IFI16: variants seen among roughly 807,000 people sequenced by gnomAD.
IFI16 encodes the protein gamma-interferon-inducible protein 16.
A neutral mutation model predicts 68.4 loss-of-function variants in IFI16; 49 were observed. The ratio of observed to expected loss-of-function variants is 0.72; its 90% CI spans 0.57 to 0.91. The LOEUF is 0.91. Ranked by LOEUF, IFI16 falls within the 40% of genes least tolerant of loss-of-function variation. The probability of loss-of-function intolerance (pLI) is 0.00; values close to 1 mark genes in which losing one functional copy is unlikely to be tolerated. For missense variants in IFI16, 878 were observed against 942.9 expected, an observed-to-expected ratio of 0.93 and a Z score of 0.90; for synonymous variants, 307 against 315.0, an observed-to-expected ratio of 0.97 and a Z score of 0.27.
intron 6 of IFI16, among the ~76,000 whole-genome samples, chr1:159,027,428 A>G (rs1217288240): frequency 7.2e-6 from 1 of 137,970 alleles, no homozygotes; most frequent in Admixed American, 6.8e-5. Flanking sequence ...TCTGTTAGCT[A>G]GTATTTTGTT....
Position 159,020,468 on chromosome 1 carries a change from T to G in IFI16, c.1100T>G (p.Phe367Cys). Residue 367 changes from phenylalanine (F) to cysteine (C), a missense_variant, in exon 6 of 12, where the codon TTT (phenylalanine) becomes TGT (cysteine). Around this residue, in one of 4 missense-constraint regions of IFI16, gnomAD observed 443 missense variants for 421.8 expected, o/e 1.05. Transcript: ENST00000295809. ...GGAGATAAGCTCCAACTTTTCTGCT[T>G]TCGACTTAGAAAAAAGAACCAGATG... Reference protein sequence around the residue: ...EEGDKLQLFCFRLRKKNQMSK... With the variant: ...EEGDKLQLFCCRLRKKNQMSK... The G allele has an allele frequency of 6.2e-7, 1 of 1,613,718 alleles. No homozygotes were observed. The highest frequency in any genetic ancestry group is 8.5e-7 in the Non-Finnish European group (1 of 1,179,742).
In IFI16 at chr1:159,018,628, T is replaced by A; in HGVS notation, c.949T>A (p.Tyr317Asn). 1.2e-6 allele frequency: 2 copies of A among 1,611,046 alleles called. No homozygotes were observed. The highest frequency in any genetic ancestry group is 1.1e-5 in the South Asian group (1 of 90,718). ...CAAACAAGCTTCAGGAAATATTGTA[T>A]ATGGGGTATTTATGCTACATAAGGT... Reference protein sequence around the residue: ...LHKQASGNIVYGVFMLHKKTV... With the variant: ...LHKQASGNIVNGVFMLHKKTV... Residue 317 changes from tyrosine (Y) to asparagine (N), a missense_variant, in exon 5 of 12, where the codon TAT becomes AAT. Physicochemically the swap from Tyr to Asn is moderately radical, Grantham distance 143 (BLOSUM62 -2). This residue lies in a region of IFI16 where 443 missense variants were observed against 421.8 expected (regional missense o/e 1.05). Transcript: ENST00000295809.
At chr1:159,004,196 G>T (rs887588403), upstream of IFI16, among the ~76,000 whole-genome samples, 11 of 152,042 alleles carry the variant, frequency 7.2e-5, no homozygotes, top group African/African-American at 2.7e-4. Flanking sequence ...TATTAAGGAT[G>T]GATGTGGTGG....
chr1:159,044,552 C>T (rs1654864068), intron 7 of IFI16, among the ~76,000 whole-genome samples: 1 of 151,964 alleles, frequency 6.6e-6, no homozygotes, highest in Non-Finnish European at 1.5e-5. Flanking sequence ...AATGGGAAAA[C>T]TGCTAAAATA....
chr1:159,030,122 CAA>C (rs58989919), intron 6 of IFI16, among the ~76,000 whole-genome samples: 2,227 of 152,112 alleles, frequency 0.015, 61 homozygotes, highest in African/African-American at 0.051. Context: ...TGCATTTCTC[CAA>C]GTGTGTTCTT....
At chr1:159,054,363 G>C (rs1021857889) in intron 11 of IFI16, among the ~76,000 whole-genome samples, 1 of 152,204 alleles carries the variant, frequency 6.6e-6, no homozygotes, top group Non-Finnish European at 1.5e-5. Flanking sequence ...CAAAACAAAG[G>C]CTGACATATT....
intron 3 of IFI16, 53 bp from the exon 4 acceptor site, chr1:159,016,480 T>G (rs1652930250): frequency 6.8e-7 from 1 of 1,470,932 alleles, no homozygotes; most frequent in Non-Finnish European, 9.3e-7. Flanking sequence ...GAAAATGTGC[T>G]CTACTTCATT....
chr1:159,043,327 G>C (rs1654782033), intron 7 of IFI16, among the ~76,000 whole-genome samples: 1 of 152,242 alleles, frequency 6.6e-6, no homozygotes, highest in Admixed American at 6.5e-5. Flanking sequence ...CAACTACTCT[G>C]TCCATGCATA....
rs1390728289 is a variant in IFI16 at position 159,052,020 on chromosome 1, C to A, written c.2007C>A (p.Ala669=). ...MEIPKGLIRS[A]SVTPKINQLC... is the part of the protein sequence containing the mutation. ...TCCCAAAAGGATTGATTAGAAGTGC[C>A]AGCGTAACTCCTAAAATCAATCAGC... is the stretch of plus-strand genomic sequence containing the variant. The change falls in exon 10 of 12, where the codon GCC becomes GCA. Residue 669 remains alanine, a synonymous_variant. Transcript: ENST00000295809. The A allele has an allele frequency of 1.9e-6, 3 of 1,613,840 alleles. No homozygotes were observed. The highest frequency in any genetic ancestry group is 2.5e-6 in the Non-Finnish European group (3 of 1,179,936).
At chr1:159,052,936 T>C (rs1655452734) in intron 10 of IFI16, 1 of 152,384 alleles carries the variant, frequency 6.6e-6, no homozygotes, top group Non-Finnish European at 1.5e-5. Context: ...TTCTCTACAC[T>C]CAGTTTAAAT....
chr1:159,035,706 C>T (rs10399750), intron 7 of IFI16, among the ~76,000 whole-genome samples: 9 of 152,158 alleles, frequency 5.9e-5, no homozygotes, highest in African/African-American at 2.2e-4. Flanking sequence ...CTATGGTATA[C>T]GCTCTATATT....
At position 159,051,797 on chromosome 1, in the gene IFI16, A is replaced by G; in HGVS notation, c.1784A>G (p.Glu595Gly). ...GAATCATTTGTATATGAGCCCAAAG[A>G]GCAGAAGAAAATGTTTCATGCCACA... Reference protein sequence around the residue: ...ATESFVYEPKEQKKMFHATVA... With the variant: ...ATESFVYEPKGQKKMFHATVA... Residue 595 changes from glutamate (E) to glycine (G), a missense_variant, in exon 10 of 12, where the codon GAG becomes GGG. Physicochemically the swap from Glu to Gly is moderately conservative, Grantham distance 98 (BLOSUM62 -2). Coordinates refer to ENST00000295809, the MANE Select transcript of IFI16 (RefSeq NM_001376587.1). The G allele has an allele frequency of 6.2e-7, 1 of 1,614,120 alleles. No homozygotes were observed. Among genetic ancestry groups the G allele is most frequent in the South Asian group, 1.1e-5 (1 of 91,084 alleles).
rs200633346 is a variant in IFI16 at position 159,018,609 on chromosome 1, A to T, written c.930A>T (p.Gln310His). The change falls in exon 5 of 12, where the codon CAA becomes CAT. Residue 310 changes from glutamine (Q) to histidine (H), a missense_variant. Gln to His is a conservative substitution (Grantham distance 24, BLOSUM62 0). This residue lies in a region of IFI16 where 443 missense variants were observed against 421.8 expected (regional missense o/e 1.05). Coordinates refer to ENST00000295809, the MANE Select transcript of IFI16 (RefSeq NM_001376587.1). Reference sequence around the variant, plus strand: ...TGAAGATTGATATTCTTCACAAACAAGCTTCAGGAAATATTGTATATGGGG... The same window carrying T: ...TGAAGATTGATATTCTTCACAAACATGCTTCAGGAAATATTGTATATGGGG... ...ETLKIDILHKQASGNIVYGVF... is the reference protein window; with the variant it reads ...ETLKIDILHKHASGNIVYGVF... 2 of 1,613,306 alleles carry T rather than the reference A, an allele frequency of 1.2e-6. No homozygotes were observed. The highest frequency in any genetic ancestry group is 1.7e-6 in the Non-Finnish European group (2 of 1,179,678).
chr1:159,016,849 C>T (rs1234056578), intron 4 of IFI16, 149 bp downstream of exon 4: 1 of 729,434 alleles, frequency 1.4e-6, no homozygotes, highest in Non-Finnish European at 2.3e-6. Context: ...CTTTTGCTTT[C>T]ACAGGGATAC....
upstream of IFI16, among the ~76,000 whole-genome samples, chr1:159,003,949 C>G (rs1017376975): frequency 6.6e-6 from 1 of 152,062 alleles, no homozygotes; most frequent in Non-Finnish European, 1.5e-5. Context: ...CGTGAGCCAC[C>G]GCGCCCAGCC....
Position 159,045,458 on chromosome 1 carries a change from A to G in IFI16, c.1491A>G (p.Leu497=). The G allele has an allele frequency of 6.2e-7, 1 of 1,600,886 alleles. No homozygotes were observed. Among genetic ancestry groups the G allele is most frequent in the South Asian group, 1.1e-5 (1 of 89,968 alleles). The change falls in exon 8 of 12, where the codon TTA becomes TTG. Residue 497 remains leucine (L), a synonymous_variant. Transcript: ENST00000295809. ...MPPSTPSSSF[L]TTKSEDTISK... The stretch of plus-strand genomic sequence containing the variant: ...CATCAACACCAAGCAGCAGTTTCTT[A>G]ACCACGGTACAAGTTCCCTCTTCCC...
chr1:159,037,338 C>G (rs1184210457), intron 7 of IFI16, among the ~76,000 whole-genome samples: 1 of 152,176 alleles, frequency 6.6e-6, no homozygotes, highest in Non-Finnish European at 1.5e-5. Context: ...GCTTTGGTGA[C>G]CAGCCCAAAG....
At chr1:159,032,046 G>A (rs1654030570) in intron 6 of IFI16, among the ~76,000 whole-genome samples, 1 of 152,110 alleles carries the variant, frequency 6.6e-6, no homozygotes, top group Non-Finnish European at 1.5e-5. Context: ...CCATTGCCTT[G>A]TACATTATGG....
At chr1:159,053,312 A>C (rs951765367) in intron 10 of IFI16, 9 of 381,842 alleles carry the variant, frequency 2.4e-5, no homozygotes, top group East Asian at 2.0e-4. Flanking sequence ...CCTAGAAAAA[A>C]TCCAGCAGAC....
Sources: gnomAD v4.1 joint callset for allele counts (sites outside exome capture counted in the v4.1 genomes callset) on GRCh38, gnomAD v4.1.1 for gene constraint, gnomAD v4.1.1 regional missense constraint, MANE v1.5 for transcripts, NCBI Gene and HGNC (gene_info 2026-07-23, HGNC 2026-07-21) for gene names.